The following SPATA6L variants were observed in gnomAD, a reference collection of about 807,000 sequenced individuals.
The protein encoded by SPATA6L is spermatogenesis associated 6-like protein.
SPATA6L carries 68 observed loss-of-function variants against 49.2 expected under a neutral mutation model. The observed-to-expected ratio is 1.38, with a 90% CI of 1.14 to 1.69. The LOEUF (loss-of-function observed/expected upper bound fraction) is 1.69, where lower values mean the gene tolerates loss of function less well. Among genes scored for constraint, SPATA6L ranks in the 40% most tolerant of loss-of-function variants. The pLI, the probability that SPATA6L is intolerant of heterozygous loss-of-function variation, is 0.00. For synonymous variants in SPATA6L, 198 were observed against 165.7 expected (o/e 1.19, Z -1.50); for missense variants, 668 against 464.3 (o/e 1.44, Z -4.03).
intron 3 of SPATA6L, among the ~76,000 whole-genome samples, chr9:4,646,976 T>A (rs1835527206): frequency 6.6e-6 from 1 of 152,056 alleles, no homozygotes; most frequent in Non-Finnish European, 1.5e-5. Flanking sequence ...GATACTAGAC[T>A]TAATACCTGG....
At chr9:4,638,034 T>G (rs753530603) in intron 3 of SPATA6L, among the ~76,000 whole-genome samples, 3 of 152,208 alleles carry the variant, frequency 2.0e-5, no homozygotes, top group Admixed American at 6.5e-5. Context: ...ACACTGGATT[T>G]ACACTAGTGA....
At chr9:4,650,869 T>TGTGTGC (rs1309839653) in intron 3 of SPATA6L, among the ~76,000 whole-genome samples, 25 of 118,576 alleles carry the variant, frequency 2.1e-4, no homozygotes, top group African/African-American at 7.8e-4. Flanking sequence ...TGTGTGTGTG[T>TGTGTGC]GTGTGTATTT....
intron 5 of SPATA6L, chr9:4,626,873 G>C (rs372106640): frequency 1.5e-4 from 28 of 191,100 alleles, no homozygotes; most frequent in East Asian, 9.8e-4. Flanking sequence ...AAAAAAGAAG[G>C]GTACAAAATA....
chr9:4,610,306 C>T (rs1293415203), intron 9 of SPATA6L, among the ~76,000 whole-genome samples: 10 of 149,200 alleles, frequency 6.7e-5, no homozygotes, highest in East Asian at 2.0e-4. Flanking sequence ...CTTTAAAGTT[C>T]ATATGGAACC....
chr9:4,613,719 G>C (rs1049058067), intron 9 of SPATA6L, among the ~76,000 whole-genome samples: 1 of 152,042 alleles, frequency 6.6e-6, no homozygotes, highest in South Asian at 2.1e-4. Flanking sequence ...AAGTAGCTGA[G>C]ACTACAGGTA....
At chr9:4,626,260 G>T in intron 5 of SPATA6L, 1 of 592,158 alleles carries the variant, frequency 1.7e-6, no homozygotes, top group Non-Finnish European at 2.4e-6. Context: ...ATTATGCCAG[G>T]ACTAGCCCCA....
At chr9:4,655,122 G>C (rs1321676020) in intron 3 of SPATA6L, among the ~76,000 whole-genome samples, 2 of 152,142 alleles carry the variant, frequency 1.3e-5, no homozygotes, top group African/African-American at 2.4e-5. Flanking sequence ...ATTCATCATA[G>C]CCTAAAAGTG....
intron 3 of SPATA6L, among the ~76,000 whole-genome samples, chr9:4,639,139 C>T (rs1833497080): frequency 6.6e-6 from 1 of 152,194 alleles, no homozygotes; most frequent in African/African-American, 2.4e-5. Flanking sequence ...CAGCATAGCA[C>T]CTGACATTGC....
chr9:4,628,454 A>AT (rs1277492822), intron 5 of SPATA6L: 1 of 151,880 alleles, frequency 6.6e-6, no homozygotes. Flanking sequence ...ATTTATCATT[A>AT]TTTTTTTCTG....
Position 4,589,359 on chromosome 9 carries a change from T to C in SPATA6L, c.*255-398A>G, listed in dbSNP as rs373961227. 6.0e-4 allele frequency among the ~76,000 whole-genome samples: 92 copies of C among 152,254 alleles called. 2 individuals are homozygous for C. The highest frequency in any genetic ancestry group is 2.2e-3 in the African/African-American group (90 of 41,540). On this transcript the variant is annotated intron_variant and NMD_transcript_variant, in intron 13 of 13. Transcript: ENST00000461761. ...CATGGGGTAATCCGTAGGGATGCAA[T>C]TGCTGTTCCAGTATTTTAGGATCCG...
chr9:4,605,475 C>T, intron 9 of SPATA6L, 35 bp from the exon 10 acceptor site: 1 of 1,507,190 alleles, frequency 6.6e-7, no homozygotes, highest in South Asian at 1.1e-5. Flanking sequence ...GAATATTAAG[C>T]AGCTACTAAA....
At chr9:4,621,651 G>A (rs10118487) in intron 7 of SPATA6L, among the ~76,000 whole-genome samples, 19,259 of 152,074 alleles carry the variant, frequency 0.13, 2,578 homozygotes, top group African/African-American at 0.33. Context: ...ACCACGCCCG[G>A]CTAATTTTGT....
In SPATA6L at chr9:4,613,758, A is replaced by G. The variant is rs111511788; in HGVS notation, c.995+4165T>C. 3.8e-3 allele frequency among the ~76,000 whole-genome samples: 573 copies of G among 151,942 alleles called. 5 individuals carry two copies. Among genetic ancestry groups the G allele is most frequent in the African/African-American group, 0.013 (549 of 41,460 alleles). On this transcript the variant is annotated intron_variant, in intron 9 of 11. Transcript: ENST00000682582. The stretch of plus-strand genomic sequence containing the variant: ...GCCACCAAGCCCAGCGAATTTTTGT[A>G]TTTTTCGTAGAGACGGGGTTTTGCC...
chr9:4,656,376 T>C (rs1432951183), intron 2 of SPATA6L, among the ~76,000 whole-genome samples: 1 of 149,962 alleles, frequency 6.7e-6, no homozygotes, highest in Admixed American at 6.7e-5. Context: ...GAGACAGAGG[T>C]TGCAGGGAGC....
rs1292396041 is a variant in SPATA6L at position 4,662,133 on chromosome 9, T to C, written c.40-97A>G. 5.3e-6 allele frequency: 8 copies of C among 1,509,586 alleles called. No individual in the cohort carries two copies. The highest frequency in any genetic ancestry group is 2.7e-6 in the Non-Finnish European group (3 of 1,128,272). 93.5% of individuals were successfully genotyped at this position (1,509,586 alleles called of 1,614,324 possible). ...ATTTCTCTTAAGCTCCTACAGACAC[T>C]GACATTTTCCCCATCACCTCACTCC... On this transcript the variant is annotated intron_variant, in intron 1 of 11. Coordinates refer to ENST00000682582, the MANE Select transcript of SPATA6L (RefSeq NM_001353486.2). This position sits in a 1 kb window ranked among gnomAD's most constrained non-coding sequence, Gnocchi z 4.9.
At chr9:4,619,001 GAATT>G (rs1269972756) in intron 7 of SPATA6L, 103 bp from the exon 8 acceptor site, 19 of 1,039,088 alleles carry the variant, frequency 1.8e-5, no homozygotes, top group Non-Finnish European at 2.7e-5. Context: ...TTTAGACAAT[GAATT>G]AATTATTTAA....
intron 10 of SPATA6L, among the ~76,000 whole-genome samples, chr9:4,604,514 C>G: frequency 6.6e-6 from 1 of 152,134 alleles, no homozygotes; most frequent in Non-Finnish European, 1.5e-5. Flanking sequence ...TCCCAAAGTA[C>G]TAGGATTATA....
intron 11 of SPATA6L, 100 bp from the exon 12 acceptor site, chr9:4,600,909 C>T (rs1586919158): frequency 6.6e-6 from 1 of 152,366 alleles, no homozygotes; most frequent in East Asian, 1.9e-4. Context: ...CTACCCCAAT[C>T]TTGGCATGTA....
chr9:4,637,291 T>C (rs951337846), intron 3 of SPATA6L, among the ~76,000 whole-genome samples: 3 of 152,170 alleles, frequency 2.0e-5, no homozygotes, highest in South Asian at 2.1e-4. Flanking sequence ...GGCTCCTTCC[T>C]ACTGAATAAC....
Sources: gnomAD v4.1 joint callset for allele counts (sites outside exome capture counted in the v4.1 genomes callset) on GRCh38, gnomAD v4.1.1 for gene constraint, Gnocchi (gnomAD v3.1) non-coding constraint, MANE v1.5 for transcripts, NCBI Gene and HGNC (gene_info 2026-07-23, HGNC 2026-07-21) for gene names.